DCDC2: variants seen among roughly 807,000 people sequenced by gnomAD.
DCDC2 encodes the protein doublecortin domain-containing protein 2.
Under a neutral mutation model 50.2 loss-of-function variants are expected in DCDC2, and 40 were observed. The ratio of observed to expected loss-of-function variants is 0.80; its 90% CI spans 0.62 to 1.04. The LOEUF is 1.04. Among genes scored for constraint, DCDC2 ranks in the 50% least tolerant of loss-of-function variants. DCDC2 has a pLI of 0.00. For synonymous variants in DCDC2, 234 were observed against 210.6 expected (o/e 1.11, Z -0.96); for missense variants, 570 against 581.9 (o/e 0.98, Z 0.21).
chr6:24,253,794 G>A (rs767363054), intron 7 of DCDC2, among the ~76,000 whole-genome samples: 2 of 152,130 alleles, frequency 1.3e-5, no homozygotes, highest in Non-Finnish European at 2.9e-5. Context: ...GTGAGTCAGT[G>A]GTGAGTGAAG....
chr6:24,381,959 A>AAAAGGAAGGAAG, the DCDC2 span, among the ~76,000 whole-genome samples: 5 of 103,580 alleles, frequency 4.8e-5, no homozygotes, highest in Non-Finnish European at 1.0e-4. Flanking sequence ...AAGGAAAGAA[A>AAAAGGAAGGAAG]GAAGGAAGGA....
intron 6 of DCDC2, among the ~76,000 whole-genome samples, chr6:24,282,522 C>T (rs901466261): frequency 3.3e-5 from 5 of 152,084 alleles, no homozygotes; most frequent in African/African-American, 4.8e-5. Context: ...GGATTACAGG[C>T]GTGAGCCACC....
intron 2 of DCDC2, among the ~76,000 whole-genome samples, chr6:24,313,241 T>C (rs1004845254): frequency 6.6e-6 from 1 of 152,216 alleles, no homozygotes; most frequent in Non-Finnish European, 1.5e-5. Flanking sequence ...TGTTAAGGTA[T>C]TCACAAGTAA....
rs1330606085 is a variant in DCDC2 at position 24,173,838 on chromosome 6, A to G, written c.*892T>C. On this transcript the variant is annotated 3_prime_UTR_variant, in exon 10 of 10. Coordinates refer to ENST00000378454, the MANE Select transcript of DCDC2 (RefSeq NM_016356.5). ...TCATATAGTCTACTTTTTTCTTCCT[A>G]ATACACTTTTATTTTTGTTGAAAAC... The G allele has an allele frequency of 6.6e-6, 1 of 152,206 alleles. No homozygotes were observed. The highest frequency in any genetic ancestry group is 1.5e-5 in the Non-Finnish European group (1 of 68,030). The allele number at this position is 152,206 out of a possible 1,614,324, so 9.4% of individuals were successfully genotyped here. A position where few individuals can be genotyped will look rare whatever the true frequency, so the allele number is the denominator to read the frequency against.
the DCDC2 span, among the ~76,000 whole-genome samples, chr6:24,380,195 TAATAA>T: frequency 6.6e-6 from 1 of 152,104 alleles, no homozygotes; most frequent in African/African-American, 2.4e-5. Flanking sequence ...ATAATAATAA[TAATAA>T]AAGTCAACCA....
At chr6:24,198,394 C>T (rs1308577666) in intron 8 of DCDC2, among the ~76,000 whole-genome samples, 1 of 152,096 alleles carries the variant, frequency 6.6e-6, no homozygotes, top group East Asian at 1.9e-4. Flanking sequence ...ACTCAGGAAG[C>T]ACAAGGGGTT....
intron 8 of DCDC2, among the ~76,000 whole-genome samples, chr6:24,201,329 A>G (rs1761582591): frequency 6.6e-6 from 1 of 152,240 alleles, no homozygotes; most frequent in Admixed American, 6.5e-5. Flanking sequence ...CAATCAAATT[A>G]GAACTCAGAA....
chr6:24,246,634 C>T (rs1762680736), intron 7 of DCDC2, among the ~76,000 whole-genome samples: 1 of 151,740 alleles, frequency 6.6e-6, no homozygotes, highest in Non-Finnish European at 1.5e-5. Flanking sequence ...TTACAGGCGT[C>T]AGCCACAACG....
At position 24,245,644 on chromosome 6, in the gene DCDC2, A is replaced by C. The variant is rs146751370; in HGVS notation, c.922+32405T>G. Among the ~76,000 whole-genome samples the C allele has an allele frequency of 9.2e-4, 140 of 152,340 alleles. No homozygotes were observed. In the East Asian group the frequency reaches 0.016, roughly 17 times the overall value. ...ACACACAAGACTGTCTTAGCAAAAC[A>C]AACAAGACTTTCAGTTGAAGATTAG... On this transcript the variant is annotated intron_variant, in intron 7 of 9. Coordinates refer to ENST00000378454, the MANE Select transcript of DCDC2 (RefSeq NM_016356.5).
At chr6:24,371,440 C>CA in the DCDC2 span, among the ~76,000 whole-genome samples, 37 of 151,996 alleles carry the variant, frequency 2.4e-4, no homozygotes, top group South Asian at 1.0e-3. Context: ...CCTGTCTCTA[C>CA]AAAAAAATAC....
intron 8 of DCDC2, among the ~76,000 whole-genome samples, chr6:24,202,896 G>A (rs1087292): frequency 0.38 from 57,761 of 152,014 alleles, 13,706 homozygotes; most frequent in Non-Finnish European, 0.52. Context: ...TTGCTACAAA[G>A]AGAATAAAAT....
chr6:24,277,917 T>C, intron 7 of DCDC2, 132 bp downstream of exon 7: 3 of 755,042 alleles, frequency 4.0e-6, no homozygotes, highest in South Asian at 2.3e-5. Flanking sequence ...ATCTCTCATA[T>C]ACAAATACAA....
intron 8 of DCDC2, among the ~76,000 whole-genome samples, chr6:24,204,000 G>T (rs2113760759): frequency 6.6e-6 from 1 of 152,324 alleles, no homozygotes; most frequent in African/African-American, 2.4e-5. Flanking sequence ...AGATGCTGGA[G>T]AGGATGTGGA....
In DCDC2 at chr6:24,291,048, C is replaced by A. The variant is rs752961258; in HGVS notation, c.588G>T (p.Glu196Asp). Reference protein sequence around the residue: ...RLYTLEGKLVESGAELENGQF... With the variant: ...RLYTLEGKLVDSGAELENGQF... ...GCCCATTCTCCAACTCTGCTCCACTCTCAACAAGTTTTCCTTCTAAAGTAT... is the reference window on the plus strand; with the variant it reads ...GCCCATTCTCCAACTCTGCTCCACTATCAACAAGTTTTCCTTCTAAAGTAT... Residue 196 changes from glutamate (E) to aspartate (D), a missense_variant, in exon 5 of 10, where the codon GAG (glutamate) becomes GAT (aspartate). Physicochemically the swap from Glu to Asp is conservative, Grantham distance 45 (BLOSUM62 2). Transcript: ENST00000378454. The A allele has an allele frequency of 1.9e-6, 3 of 1,613,456 alleles. No homozygotes were observed. The highest frequency in any genetic ancestry group is 2.5e-6 in the Non-Finnish European group (3 of 1,179,880).
At chr6:24,310,916 C>G (rs1759560206) in intron 2 of DCDC2, among the ~76,000 whole-genome samples, 1 of 152,112 alleles carries the variant, frequency 6.6e-6, no homozygotes, top group Non-Finnish European at 1.5e-5. Context: ...TATCTGTCCC[C>G]TTCTTACCTG....
At chr6:24,289,045 C>T (rs1044799093) in intron 5 of DCDC2, 139 bp from the exon 6 acceptor site, 1 of 565,542 alleles carries the variant, frequency 1.8e-6, no homozygotes, top group Non-Finnish European at 3.1e-6. Context: ...CACTTTAACA[C>T]ATACTTTCCC....
chr6:24,302,862 T>C (rs1759407164), intron 2 of DCDC2, among the ~76,000 whole-genome samples: 1 of 151,772 alleles, frequency 6.6e-6, no homozygotes, highest in Non-Finnish European at 1.5e-5. Context: ...ACCCCTCACC[T>C]AACCCTTAAA....
chr6:24,286,672 T>C (rs1484519339), intron 6 of DCDC2, among the ~76,000 whole-genome samples: 3 of 151,952 alleles, frequency 2.0e-5, no homozygotes, highest in African/African-American at 7.3e-5. Flanking sequence ...CATTTACAAC[T>C]GCTTGCAGCA....
chr6:24,176,275 A>G (rs77843782), intron 9 of DCDC2, among the ~76,000 whole-genome samples: 464 of 152,138 alleles, frequency 3.0e-3, no homozygotes, highest in Non-Finnish European at 5.4e-3. Context: ...CAGCCTGGGT[A>G]GCAGAGTGAG....
Sources: gnomAD v4.1 joint callset for allele counts (sites outside exome capture counted in the v4.1 genomes callset) on GRCh38, gnomAD v4.1.1 for gene constraint, MANE v1.5 for transcripts, NCBI Gene and HGNC (gene_info 2026-07-23, HGNC 2026-07-21) for gene names.